Variants in CSGALNACT1 observed in about 807,000 individuals in gnomAD.
CSGALNACT1 encodes beta4GalNAcT-1.
Under a neutral mutation model 51.0 loss-of-function variants are expected in CSGALNACT1, and 52 were observed. That is an observed-to-expected ratio of 1.02 (90% CI 0.82 to 1.29). CSGALNACT1 has a LOEUF of 1.29. Among genes scored for constraint, CSGALNACT1 ranks in the 50% most tolerant of loss-of-function variants. CSGALNACT1 has a pLI of 0.00. For missense variants in CSGALNACT1, 935 were observed against 679.2 expected (o/e 1.38, Z -4.19); for synonymous variants, 341 against 254.4 (o/e 1.34, Z -3.24).
At chr8:19,461,206 A>G (rs1312380741) in intron 4 of CSGALNACT1, among the ~76,000 whole-genome samples, 2 of 152,226 alleles carry the variant, frequency 1.3e-5, no homozygotes, top group Non-Finnish European at 2.9e-5. Flanking sequence ...AAGAAGGTTC[A>G]TTTCTTAGAA....
At chr8:19,712,968 T>C (rs1379940639) in intron 1 of CSGALNACT1, among the ~76,000 whole-genome samples, 1 of 152,188 alleles carries the variant, frequency 6.6e-6, no homozygotes, top group African/African-American at 2.4e-5. Context: ...ATGGTTACAA[T>C]CTTACCCTCA....
At chr8:19,742,463 T>G (rs1395732947) in intron 1 of CSGALNACT1, among the ~76,000 whole-genome samples, 1 of 152,228 alleles carries the variant, frequency 6.6e-6, no homozygotes, top group East Asian at 1.9e-4. Context: ...GCAGGCTGAA[T>G]ATGCAAGATG....
intron 4 of CSGALNACT1, among the ~76,000 whole-genome samples, chr8:19,496,336 C>A (rs1224447334): frequency 1.3e-5 from 2 of 152,138 alleles, no homozygotes; most frequent in Non-Finnish European, 2.9e-5. Context: ...TAAGGGACTT[C>A]CAGATTTGGG....
chr8:19,549,437 C>A (rs1045636826), intron 3 of CSGALNACT1, among the ~76,000 whole-genome samples: 8 of 152,128 alleles, frequency 5.3e-5, no homozygotes, highest in African/African-American at 1.9e-4. Context: ...TTTCCCCACA[C>A]TCTAACACAG....
At chr8:19,713,645 G>A (rs1371184062) in intron 1 of CSGALNACT1, among the ~76,000 whole-genome samples, 1 of 152,176 alleles carries the variant, frequency 6.6e-6, no homozygotes, top group South Asian at 2.1e-4. Flanking sequence ...GACTGCTGCA[G>A]CTGCAAGCCA....
chr8:19,672,093 G>A (rs780374863), intron 1 of CSGALNACT1, among the ~76,000 whole-genome samples: 1 of 152,186 alleles, frequency 6.6e-6, no homozygotes, highest in Non-Finnish European at 1.5e-5. Context: ...TACTTGAGCT[G>A]CATAGGGCAT....
At chr8:19,638,220 C>G (rs928401047) in intron 1 of CSGALNACT1, among the ~76,000 whole-genome samples, 1 of 149,684 alleles carries the variant, frequency 6.7e-6, no homozygotes, top group African/African-American at 2.5e-5. Context: ...CTTCAGGTCT[C>G]AGCTCAAATG....
chr8:19,748,700 C>A (rs1226648567), intron 1 of CSGALNACT1, among the ~76,000 whole-genome samples: 13 of 152,190 alleles, frequency 8.5e-5, no homozygotes, highest in Non-Finnish European at 1.3e-4. Context: ...CGCAGTGGCT[C>A]ACATCTGTAA....
chr8:19,505,605 C>T lies in CSGALNACT1; in HGVS notation c.230G>A (p.Arg77Gln), dbSNP rs145148990. Reference sequence around the variant, plus strand: ...CTCCTCCTTGAGCTGTGCGATCTGCCGCTTCAGGCTGCTCACGTAGTTGCG... The same window carrying T: ...CTCCTCCTTGAGCTGTGCGATCTGCTGCTTCAGGCTGCTCACGTAGTTGCG... Residue 77 changes from arginine to glutamine, a missense_variant, in exon 4 of 10, where the codon CGG becomes CAG. Coordinates refer to ENST00000454498, the Ensembl canonical transcript of CSGALNACT1. 3.9e-5 allele frequency: 63 copies of T among 1,614,102 alleles called. No individual in the cohort carries two copies. Among genetic ancestry groups the T allele is most frequent in the African/African-American group, 1.6e-4 (12 of 75,056 alleles).
chr8:19,546,947 G>T (rs189385925), intron 3 of CSGALNACT1, among the ~76,000 whole-genome samples: 3 of 152,334 alleles, frequency 2.0e-5, no homozygotes, highest in Non-Finnish European at 2.9e-5. Flanking sequence ...TTCGCAGAGG[G>T]AGCTGAGAGT....
At chr8:19,503,241 G>T (rs989381326) in intron 4 of CSGALNACT1, among the ~76,000 whole-genome samples, 26 of 152,220 alleles carry the variant, frequency 1.7e-4, no homozygotes, top group African/African-American at 6.3e-4. Context: ...GACACATGTG[G>T]GTCTGTCTGC....
At chr8:19,503,340 T>C (rs1442342201) in intron 4 of CSGALNACT1, among the ~76,000 whole-genome samples, 1 of 152,066 alleles carries the variant, frequency 6.6e-6, no homozygotes, top group Non-Finnish European at 1.5e-5. Flanking sequence ...TCAGAGCAAA[T>C]ATACTGAGGG....
intron 4 of CSGALNACT1, among the ~76,000 whole-genome samples, chr8:19,484,080 G>T (rs533513767): frequency 6.6e-6 from 1 of 152,232 alleles, no homozygotes; most frequent in African/African-American, 2.4e-5. Flanking sequence ...CACCCCATTA[G>T]TCTCTTAGGA....
intron 1 of CSGALNACT1, among the ~76,000 whole-genome samples, chr8:19,739,589 A>G (rs149767019): frequency 1.3e-5 from 2 of 152,334 alleles, no homozygotes; most frequent in African/African-American, 4.8e-5. Flanking sequence ...ACCCTGGCTA[A>G]TAAGCAAAAA....
rs185261396 is a variant in CSGALNACT1 at position 19,411,013 on chromosome 8, C to G, written c.1228-2319G>C. On this transcript the variant is annotated intron_variant, in intron 8 of 9. Coordinates refer to ENST00000454498, the Ensembl canonical transcript of CSGALNACT1. ...TGAAGCCCTGCAAGGGTTCCCTAAT[C>G]GTCAGCCATCTCATTTCTTCTTATC... Among the ~76,000 whole-genome samples, 4 of 152,304 alleles carry G rather than the reference C, an allele frequency of 2.6e-5. No individual in the cohort carries two copies. In the East Asian group the frequency reaches 7.7e-4, roughly 29 times the overall value.
intron 1 of CSGALNACT1, among the ~76,000 whole-genome samples, chr8:19,735,098 T>A (rs2063899162): frequency 6.6e-6 from 1 of 152,036 alleles, no homozygotes; most frequent in Non-Finnish European, 1.5e-5. Context: ...TGCACAGAAC[T>A]GAGAACCCCC....
chr8:19,612,682 C>T (rs113882775), intron 1 of CSGALNACT1, among the ~76,000 whole-genome samples: 5 of 151,874 alleles, frequency 3.3e-5, no homozygotes, highest in Non-Finnish European at 5.9e-5. Context: ...GTGTAGCTTC[C>T]GACATCTGAG....
At chr8:19,471,003 C>T (rs1225942157) in intron 4 of CSGALNACT1, among the ~76,000 whole-genome samples, 2 of 151,780 alleles carry the variant, frequency 1.3e-5, no homozygotes, top group Admixed American at 1.3e-4. Context: ...GGCTGAGGCA[C>T]GAGAGTCGCT....
intron 5 of CSGALNACT1, among the ~76,000 whole-genome samples, chr8:19,448,394 T>C (rs756956278): frequency 5.6e-4 from 85 of 152,294 alleles, no homozygotes; most frequent in Non-Finnish European, 1.1e-3. Context: ...TTCCAGATTT[T>C]AGCAATGGAA....
Sources: allele counts gnomAD v4.1 joint callset (sites outside exome capture counted in the v4.1 genomes callset), GRCh38; gene constraint gnomAD v4.1.1; transcripts MANE v1.5; gene names NCBI Gene and HGNC (gene_info 2026-07-23, HGNC 2026-07-21).